The following BRIP1 variants were observed in gnomAD, a reference collection of about 807,000 sequenced individuals.
BRIP1 encodes the protein BRCA1 interacting DNA helicase 1.
A neutral mutation model predicts 119.7 loss-of-function variants in BRIP1; 88 were observed. That is an observed-to-expected ratio of 0.74 (90% CI 0.62 to 0.88). The LOEUF (loss-of-function observed/expected upper bound fraction) is 0.88, where lower values mean the gene tolerates loss of function less well. Among genes scored for constraint, BRIP1 ranks in the 40% least tolerant of loss-of-function variants. BRIP1 has a pLI of 0.00. For synonymous variants in BRIP1, 443 were observed against 496.5 expected (o/e 0.89, Z 1.43); for missense variants, 1,259 against 1,455.4 (o/e 0.87, Z 2.20).
intron 6 of BRIP1, among the ~76,000 whole-genome samples, chr17:61,833,563 C>T (rs1435210408): frequency 1.3e-5 from 2 of 151,480 alleles, no homozygotes; most frequent in Non-Finnish European, 2.9e-5. Flanking sequence ...CCCAGCTACT[C>T]GAGCGGCTGA....
rs144884678 is a variant in BRIP1, at chr17:61,831,947, T to A, written c.627+15154A>T. On this transcript the variant is annotated intron_variant, in intron 6 of 19. Coordinates refer to ENST00000259008, the MANE Select transcript of BRIP1 (RefSeq NM_032043.3). The surrounding 1 kb of genome is among the most constrained non-coding windows in gnomAD (Gnocchi z 4.1). The stretch of plus-strand genomic sequence containing the variant: ...GACAGATACAGAAAAAATATAGACA[T>A]AAATGTATATGTCTATGAGTCTGGG... 8.7e-4 allele frequency among the ~76,000 whole-genome samples: 132 copies of A among 152,188 alleles called. 1 individual carries two copies. The highest frequency in any genetic ancestry group is 2.7e-3 in the Admixed American group (42 of 15,274).
rs2077054503 is a variant in BRIP1 at position 61,746,119 on chromosome 17, A to C, written c.2098-1528T>G. Among the ~76,000 whole-genome samples, 2 of 152,154 alleles carry C rather than the reference A, an allele frequency of 1.3e-5. No homozygotes were observed. The highest frequency in any genetic ancestry group is 2.1e-4 in the South Asian group (1 of 4,830). On this transcript the variant is annotated intron_variant, in intron 14 of 19. Coordinates refer to ENST00000259008, the MANE Select transcript of BRIP1 (RefSeq NM_032043.3). The surrounding 1 kb of genome is among the most constrained non-coding windows in gnomAD (Gnocchi z 4.9). ...TATTTCCTCAATTTTACCTTTAACT[A>C]TTTTTAGAAATAAACTTCTTAATAA...
At position 61,761,756 on chromosome 17, in the gene BRIP1, T is replaced by C. The variant is rs1056057872; in HGVS notation, c.2097+14645A>G. On this transcript the variant is annotated intron_variant, in intron 14 of 19. Coordinates refer to ENST00000259008, the MANE Select transcript of BRIP1 (RefSeq NM_032043.3). The surrounding 1 kb of genome is among the most constrained non-coding windows in gnomAD (Gnocchi z 6.4). Reference sequence around the variant, plus strand: ...ATCTATAAAATGTTGATGAGAGAAATTGTAGAAGATACAAGTAAATAGCAT... The same window carrying C: ...ATCTATAAAATGTTGATGAGAGAAACTGTAGAAGATACAAGTAAATAGCAT... Among the ~76,000 whole-genome samples, 16 of 152,040 alleles carry C rather than the reference T, an allele frequency of 1.1e-4. No individual in the cohort carries two copies. The highest frequency in any genetic ancestry group is 3.4e-3 in the Middle Eastern group (1 of 294).
intron 14 of BRIP1, among the ~76,000 whole-genome samples, chr17:61,749,716 T>C (rs2077107407): frequency 6.6e-6 from 1 of 152,170 alleles, no homozygotes; most frequent in Admixed American, 6.5e-5. Flanking sequence ...TAAAACAGTA[T>C]ATATAGAAAT....
intron 13 of BRIP1, among the ~76,000 whole-genome samples, chr17:61,779,095 T>C (rs1171587877): frequency 6.6e-6 from 1 of 152,248 alleles, no homozygotes; most frequent in Non-Finnish European, 1.5e-5. Flanking sequence ...TAACATTTAG[T>C]AGCCATCGTT....
intron 6 of BRIP1, among the ~76,000 whole-genome samples, chr17:61,820,036 T>TAA (rs1243458507): frequency 7.3e-6 from 1 of 137,448 alleles, no homozygotes. Context: ...AATTAAAAAT[T>TAA]AAAAAAAAAA....
In BRIP1 at chr17:61,770,874, G is replaced by T. The variant is rs181379622; in HGVS notation, c.2097+5527C>A. On this transcript the variant is annotated intron_variant, in intron 14 of 19. Coordinates refer to ENST00000259008, the MANE Select transcript of BRIP1 (RefSeq NM_032043.3). The surrounding 1 kb of genome is among the most constrained non-coding windows in gnomAD (Gnocchi z 4.7). Reference sequence around the variant, plus strand: ...ATGATAGAGAAATAGAGGGGGAAAAGGCACCAGATATACAGAAAACAAACA... The same window carrying T: ...ATGATAGAGAAATAGAGGGGGAAAATGCACCAGATATACAGAAAACAAACA... Among the ~76,000 whole-genome samples, 1 of 152,194 alleles carries T rather than the reference G, an allele frequency of 6.6e-6. No individual in the cohort carries two copies. The highest frequency in any genetic ancestry group is 1.9e-4 in the East Asian group (1 of 5,180).
At chr17:61,731,860 G>GT (rs984494389) in intron 16 of BRIP1, among the ~76,000 whole-genome samples, 9 of 147,206 alleles carry the variant, frequency 6.1e-5, no homozygotes, top group Admixed American at 6.1e-4. Context: ...ACTGTGTTGT[G>GT]TATCACTCTG....
chr17:61,717,299 C>G lies in BRIP1; in HGVS notation c.2380-1236G>C, dbSNP rs531867212. Among the ~76,000 whole-genome samples the G allele has an allele frequency of 2.0e-5, 3 of 151,924 alleles. No individual in the cohort carries two copies. Among genetic ancestry groups the G allele is most frequent in the African/African-American group, 7.2e-5 (3 of 41,400 alleles). On this transcript the variant is annotated intron_variant, in intron 16 of 19. Transcript: ENST00000259008. This position sits in a 1 kb window ranked among gnomAD's most constrained non-coding sequence, Gnocchi z 4.1. The stretch of plus-strand genomic sequence containing the variant: ...CAAAAGATTATCTTTTAAAATATAC[C>G]GTATTTACCCACAGATTTACCATTT...
At chr17:61,694,055 A>G (rs1303462907) in intron 17 of BRIP1, among the ~76,000 whole-genome samples, 1 of 152,064 alleles carries the variant, frequency 6.6e-6, no homozygotes, top group Non-Finnish European at 1.5e-5. Context: ...GTTGGATTCA[A>G]TTTGCTAGTT....
chr17:61,749,665 A>G (rs2077106667), intron 14 of BRIP1, among the ~76,000 whole-genome samples: 1 of 152,222 alleles, frequency 6.6e-6, no homozygotes, highest in Non-Finnish European at 1.5e-5. Flanking sequence ...ATAAAACAGT[A>G]TAGCCACTGT....
At chr17:61,858,172 C>A (rs548372532) in intron 3 of BRIP1, among the ~76,000 whole-genome samples, 30 of 152,038 alleles carry the variant, frequency 2.0e-4, no homozygotes, top group African/African-American at 6.5e-4. Flanking sequence ...AATTCATATA[C>A]CCCCAAAAAA....
In BRIP1 at chr17:61,682,421, T is replaced by G. The variant is rs193165407; in HGVS notation, c.*875A>C. On this transcript the variant is annotated 3_prime_UTR_variant, in exon 20 of 20. Coordinates refer to ENST00000259008, the MANE Select transcript of BRIP1 (RefSeq NM_032043.3). This position sits in a 1 kb window ranked among gnomAD's most constrained non-coding sequence, Gnocchi z 4.9. Reference sequence around the variant, plus strand: ...GAATAGAAAATTTGGAATACTTCATTTGGCATTTTATATCTTTACGTCAAT... The same window carrying G: ...GAATAGAAAATTTGGAATACTTCATGTGGCATTTTATATCTTTACGTCAAT... 1.9e-5 allele frequency: 4 copies of G among 205,388 alleles called. No individual in the cohort carries two copies. The highest frequency in any genetic ancestry group is 9.1e-5 in the African/African-American group (4 of 43,978). 12.7% of individuals were successfully genotyped at this position (205,388 alleles called of 1,614,324 possible).
At position 61,848,671 on chromosome 17, in the gene BRIP1, A is replaced by G. The variant is rs1383688779; in HGVS notation, c.507+458T>C. ...TTTAGTAATTTTTAGAAATAAATAT[A>G]CATATTTTATCATGTATCAATCTTA... is the stretch of plus-strand genomic sequence containing the variant. On this transcript the variant is annotated intron_variant, in intron 5 of 19. Coordinates refer to ENST00000259008, the MANE Select transcript of BRIP1 (RefSeq NM_032043.3). This position sits in a 1 kb window ranked among gnomAD's most constrained non-coding sequence, Gnocchi z 4.3. Among the ~76,000 whole-genome samples, 3 of 152,212 alleles carry G rather than the reference A, an allele frequency of 2.0e-5. No homozygotes were observed. The highest frequency in any genetic ancestry group is 6.5e-5 in the Admixed American group (1 of 15,280).
rs2061475340 is a variant in BRIP1 at position 61,693,359 on chromosome 17, T to C, written c.2575+71A>G. The C allele has an allele frequency of 7.7e-7, 1 of 1,302,394 alleles. No individual in the cohort carries two copies. The allele number at this position is 1,302,394 out of a possible 1,614,324, so 80.7% of individuals were successfully genotyped here. ...TAATAAGATAGTAGAGCTCATGTTA[T>C]GTGTTTTTCACCACAATAAAAATAT... is the stretch of plus-strand genomic sequence containing the variant. On this transcript the variant is annotated intron_variant, in intron 18 of 19. Transcript: ENST00000259008. The surrounding 1 kb of genome is among the most constrained non-coding windows in gnomAD (Gnocchi z 4.2).
chr17:61,779,273 G>T (rs1338745969), intron 13 of BRIP1, among the ~76,000 whole-genome samples: 1 of 152,162 alleles, frequency 6.6e-6, no homozygotes, highest in East Asian at 1.9e-4. Context: ...TAATGGAAAA[G>T]AGAAGCATAA....
At chr17:61,786,654 CTGAAT>C (rs935476654) in intron 10 of BRIP1, among the ~76,000 whole-genome samples, 71 of 144,242 alleles carry the variant, frequency 4.9e-4, no homozygotes, top group Admixed American at 2.2e-3. Context: ...ATTTAATTAA[CTGAAT>C]TGAATTGAAT....
In BRIP1 at chr17:61,791,761, T is replaced by C. The variant is rs1446400929; in HGVS notation, c.1473+1836A>G. On this transcript the variant is annotated intron_variant, in intron 10 of 19. Coordinates refer to ENST00000259008, the MANE Select transcript of BRIP1 (RefSeq NM_032043.3). ...CTCCATTAGCCCACAATTCTTCCCATGGGGAAAAGTGAGAATATAGTGAGT... is the reference window on the plus strand; with the variant it reads ...CTCCATTAGCCCACAATTCTTCCCACGGGGAAAAGTGAGAATATAGTGAGT... Among the ~76,000 whole-genome samples the C allele has an allele frequency of 3.9e-5, 6 of 152,010 alleles. No individual in the cohort carries two copies. The East Asian group carries it at 5.8e-4, about 15-fold the overall frequency.
At position 61,708,389 on chromosome 17, in the gene BRIP1, T is replaced by G. The variant is rs2061725590; in HGVS notation, c.2492+7562A>C. Among the ~76,000 whole-genome samples the G allele has an allele frequency of 1.3e-5, 2 of 152,218 alleles. No homozygotes were observed. The highest frequency in any genetic ancestry group is 4.8e-5 in the African/African-American group (2 of 41,458). ...ATACTCTTTTTGCCCATTAGTCACTTAGTAGCCATCTTGGTTATCAGATAG... is the reference window on the plus strand; with the variant it reads ...ATACTCTTTTTGCCCATTAGTCACTGAGTAGCCATCTTGGTTATCAGATAG... On this transcript the variant is annotated intron_variant, in intron 17 of 19. Transcript: ENST00000259008. This position sits in a 1 kb window ranked among gnomAD's most constrained non-coding sequence, Gnocchi z 4.4.
Sources: gnomAD v4.1 joint callset for allele counts (sites outside exome capture counted in the v4.1 genomes callset) on GRCh38, gnomAD v4.1.1 for gene constraint, Gnocchi (gnomAD v3.1) non-coding constraint, MANE v1.5 for transcripts, NCBI Gene and HGNC (gene_info 2026-07-23, HGNC 2026-07-21) for gene names.